Variants in GSK3B observed in about 807,000 individuals in gnomAD.
The protein encoded by GSK3B is glycogen synthase kinase 3 beta, also known as glycogen synthase kinase-3 beta.
A neutral mutation model predicts 56.4 loss-of-function variants in GSK3B; 15 were observed. The observed-to-expected ratio is 0.27, with a 90% CI of 0.18 to 0.41. The LOEUF (loss-of-function observed/expected upper bound fraction) is 0.41, where lower values mean the gene tolerates loss of function less well. Ranked by LOEUF, GSK3B falls within the 10% of genes least tolerant of loss-of-function variation. The pLI, the probability that GSK3B is intolerant of heterozygous loss-of-function variation, is 1.00. For missense variants in GSK3B, 300 were observed against 513.4 expected (o/e 0.58, Z 4.02); for synonymous variants, 181 against 188.9 (o/e 0.96, Z 0.34).
chr3:119,833,536 T>C (rs974192127), intron 10 of GSK3B, among the ~76,000 whole-genome samples: 4 of 152,160 alleles, frequency 2.6e-5, no homozygotes, highest in African/African-American at 9.7e-5. Context: ...CCTTATTTGC[T>C]CTCAACACAT....
chr3:119,966,413 T>C (rs2057318592), intron 2 of GSK3B, among the ~76,000 whole-genome samples: 1 of 152,214 alleles, frequency 6.6e-6, no homozygotes, highest in South Asian at 2.1e-4. Flanking sequence ...TTATTAAATA[T>C]TTCATCCTAC....
At chr3:119,863,083 T>C (rs368768789) in intron 9 of GSK3B, among the ~76,000 whole-genome samples, 3 of 152,362 alleles carry the variant, frequency 2.0e-5, no homozygotes, top group South Asian at 2.1e-4. Flanking sequence ...AATGCTACTA[T>C]TTTGTTTCAG....
At chr3:119,958,213 C>T (rs2057234392) in intron 2 of GSK3B, among the ~76,000 whole-genome samples, 1 of 152,146 alleles carries the variant, frequency 6.6e-6, no homozygotes, top group African/African-American at 2.4e-5. Context: ...TTCGCCATGA[C>T]TGTAAATTTC....
chr3:120,026,861 G>A (rs988497716), intron 1 of GSK3B, among the ~76,000 whole-genome samples: 1 of 151,388 alleles, frequency 6.6e-6, no homozygotes, highest in South Asian at 2.1e-4. Flanking sequence ...CCCGACCCAC[G>A]TTGGTTTTTA....
intron 9 of GSK3B, among the ~76,000 whole-genome samples, chr3:119,851,072 G>A (rs2055923763): frequency 6.6e-6 from 1 of 152,096 alleles, no homozygotes; most frequent in African/African-American, 2.4e-5. Flanking sequence ...TCATTAAAAA[G>A]CCACGTAGTT....
chr3:120,031,546 C>G (rs2057975599), intron 1 of GSK3B, among the ~76,000 whole-genome samples: 1 of 152,146 alleles, frequency 6.6e-6, no homozygotes, highest in South Asian at 2.1e-4. Context: ...TGGCCCACCT[C>G]ACGTATTCAA....
rs2058072263 is a variant in GSK3B, at chr3:120,042,577, T to A, written c.89-40338A>T. Among the ~76,000 whole-genome samples, 5 of 152,288 alleles carry A rather than the reference T, an allele frequency of 3.3e-5. No homozygotes were observed. The South Asian group carries it at 6.2e-4, about 19-fold the overall frequency. ...ACGGGTTGTCTAAAATACTTATTAATGACAATAGATCACCTCACTCACTGG... is the reference window on the plus strand; with the variant it reads ...ACGGGTTGTCTAAAATACTTATTAAAGACAATAGATCACCTCACTCACTGG... On this transcript the variant is annotated intron_variant, in intron 1 of 10. Coordinates refer to ENST00000264235, the MANE Select transcript of GSK3B (RefSeq NM_001146156.2).
chr3:119,954,287 T>A (rs956212439), intron 2 of GSK3B, among the ~76,000 whole-genome samples: 11 of 117,476 alleles, frequency 9.4e-5, no homozygotes, highest in African/African-American at 2.9e-4. Flanking sequence ...TAGAATAGAA[T>A]AGAATAGAAT....
At chr3:119,974,274 A>G (rs1484421763) in intron 2 of GSK3B, among the ~76,000 whole-genome samples, 2 of 152,194 alleles carry the variant, frequency 1.3e-5, no homozygotes, top group Non-Finnish European at 2.9e-5. Context: ...CAACTCAATT[A>G]AAATTGGACA....
intron 8 of GSK3B, among the ~76,000 whole-genome samples, chr3:119,869,318 C>A (rs984066063): frequency 2.7e-5 from 4 of 150,316 alleles, no homozygotes; most frequent in African/African-American, 9.8e-5. Flanking sequence ...ACAAGGTAAT[C>A]CAATTCACTT....
chr3:119,980,892 A>T (rs2057454802), intron 2 of GSK3B, among the ~76,000 whole-genome samples: 1 of 152,218 alleles, frequency 6.6e-6, no homozygotes, highest in African/African-American at 2.4e-5. Context: ...CTGGTTGTTT[A>T]AAGAAAGAGA....
At chr3:119,934,453 T>C (rs1264828937) in intron 3 of GSK3B, among the ~76,000 whole-genome samples, 1 of 152,186 alleles carries the variant, frequency 6.6e-6, no homozygotes, top group Non-Finnish European at 1.5e-5. Flanking sequence ...GTCGAGATCA[T>C]CAAAACCAAG....
intron 1 of GSK3B, among the ~76,000 whole-genome samples, chr3:120,048,060 A>G (rs1476659005): frequency 6.6e-6 from 1 of 152,244 alleles, no homozygotes; most frequent in African/African-American, 2.4e-5. Flanking sequence ...GTATCTTCAC[A>G]GTTCTTCACA....
intron 9 of GSK3B, among the ~76,000 whole-genome samples, chr3:119,845,361 A>C (rs1291308164): frequency 6.6e-6 from 1 of 152,224 alleles, no homozygotes; most frequent in African/African-American, 2.4e-5. Context: ...CAAATAGGAA[A>C]AGAGGAAGTC....
At chr3:119,993,717 G>C (rs1386604624) in intron 2 of GSK3B, among the ~76,000 whole-genome samples, 1 of 152,178 alleles carries the variant, frequency 6.6e-6, no homozygotes, top group Non-Finnish European at 1.5e-5. Context: ...AGTGAACTCT[G>C]TGATGTTGCT....
At chr3:119,941,169 T>C in intron 3 of GSK3B, among the ~76,000 whole-genome samples, 1 of 151,832 alleles carries the variant, frequency 6.6e-6, no homozygotes, top group African/African-American at 2.4e-5. Context: ...GCACTTGCCA[T>C]CACACCTGGC....
At chr3:119,998,577 G>A (rs1034932144) in intron 2 of GSK3B, among the ~76,000 whole-genome samples, 3 of 152,160 alleles carry the variant, frequency 2.0e-5, no homozygotes, top group African/African-American at 4.8e-5. Flanking sequence ...TTTTAAATGG[G>A]TTTTAACAAA....
At chr3:120,081,649 TACC>T (rs1273659532) in intron 1 of GSK3B, among the ~76,000 whole-genome samples, 11 of 152,220 alleles carry the variant, frequency 7.2e-5, no homozygotes, top group Non-Finnish European at 1.5e-5. Context: ...TAAACTATCA[TACC>T]ACTAGACACC....
At chr3:120,018,618 A>G (rs781033109) in intron 1 of GSK3B, among the ~76,000 whole-genome samples, 1 of 152,230 alleles carries the variant, frequency 6.6e-6, no homozygotes, top group Non-Finnish European at 1.5e-5. Flanking sequence ...ATTACTTATA[A>G]AAGTGAAAGT....
Sources: allele counts gnomAD v4.1 joint callset (sites outside exome capture counted in the v4.1 genomes callset), GRCh38; gene constraint gnomAD v4.1.1; transcripts MANE v1.5; gene names NCBI Gene and HGNC (gene_info 2026-07-23, HGNC 2026-07-21).